Variants in PALB2 observed in about 807,000 individuals in gnomAD.
The protein encoded by PALB2 is mutant partner and localizer of BRCA2.
PALB2 carries 82 observed loss-of-function variants against 107.4 expected under a neutral mutation model. The observed-to-expected ratio is 0.76, with a 90% CI of 0.64 to 0.92. PALB2 has a LOEUF of 0.92. PALB2 is among the 40% of genes least tolerant of loss of function. PALB2 has a pLI of 0.00. For missense variants in PALB2, 1,374 were observed against 1,379.9 expected, an observed-to-expected ratio of 1.00 and a Z score of 0.07; for synonymous variants, 489 against 496.8, an observed-to-expected ratio of 0.98 and a Z score of 0.21.
rs1567218807 is a variant in PALB2, at chr16:23,630,363, C to G, written c.1791G>C (p.Met597Ile). Reference protein sequence around the residue: ...AFTAPFHRDGMLSLKQLLSFL... With the variant: ...AFTAPFHRDGILSLKQLLSFL... ...AAGACAGTAGTTGCTTTAAACTCAG[C>G]ATTCCATCCCTATGAAATGGAGCCG... Residue 597 changes from methionine (M) to isoleucine (I), a missense_variant, in exon 5 of 13, where the codon ATG becomes ATC. Met to Ile is a conservative substitution (Grantham distance 10, BLOSUM62 1). Coordinates refer to ENST00000261584, the MANE Select transcript of PALB2 (RefSeq NM_024675.4). The G allele has an allele frequency of 6.2e-7, 1 of 1,613,988 alleles. No homozygotes were observed. The highest frequency in any genetic ancestry group is 1.3e-5 in the African/African-American group (1 of 74,914).
rs1226634357 is a variant in PALB2, at chr16:23,614,000, T to C, written c.3201+4A>G. The C allele has an allele frequency of 6.2e-7, 1 of 1,607,366 alleles. No individual in the cohort carries two copies. On this transcript the variant is annotated splice_donor_region_variant and intron_variant, in intron 11 of 12. Coordinates refer to ENST00000261584, the MANE Select transcript of PALB2 (RefSeq NM_024675.4). ...CAAAGTGGTCCCAGCCAGTCATTAC[T>C]TACCATTTCAGAATAGGCTTTGTGA...
intron 10 of PALB2, among the ~76,000 whole-genome samples, chr16:23,615,760 G>A (rs1241131926): frequency 6.6e-6 from 1 of 152,038 alleles, no homozygotes; most frequent in African/African-American, 2.4e-5. Flanking sequence ...TGCCTCCCAG[G>A]TTCAAGCAAT....
chr16:23,625,193 C>G (rs1010780747), intron 7 of PALB2, among the ~76,000 whole-genome samples: 1 of 151,876 alleles, frequency 6.6e-6, no homozygotes, highest in Non-Finnish European at 1.5e-5. Context: ...ATTAGCTGGG[C>G]GTGGTGGTGG....
rs876659152 is a variant in PALB2 at position 23,635,200 on chromosome 16, T to G, written c.1346A>C (p.Lys449Thr). ...GFKNKNKDAS[K>T]NLNLSNEETD... is the part of the protein sequence containing the mutation. ...TTCCTCATTGGAAAGGTTTAAATTT[T>G]TACTTGCATCCTTATTTTTATTTTT... The change falls in exon 4 of 13, where the codon AAA becomes ACA. Residue 449 changes from lysine to threonine, a missense_variant. Physicochemically the swap from Lys to Thr is moderately conservative, Grantham distance 78. Coordinates refer to ENST00000261584, the MANE Select transcript of PALB2 (RefSeq NM_024675.4). 1 of 1,614,166 alleles carries G rather than the reference T, an allele frequency of 6.2e-7. No individual in the cohort carries two copies. Among genetic ancestry groups the G allele is most frequent in the African/African-American group, 1.3e-5 (1 of 75,064 alleles).
At position 23,635,357 on chromosome 16, in the gene PALB2, T is replaced by A. The variant is rs367578415; in HGVS notation, c.1189A>T (p.Thr397Ser). The change falls in exon 4 of 13, where the codon ACA becomes TCA. Residue 397 changes from threonine (T) to serine (S), a missense_variant. Physicochemically the swap from Thr to Ser is moderately conservative, Grantham distance 58 (BLOSUM62 1). Transcript: ENST00000261584. The part of the protein sequence containing the change: ...SPLSAEKHSC[T>S]VPEGLLFPAE... ...GGAAACAGAAGGCCTTCAGGCACTG[T>A]GCAAGAATGTTTTTCTGCAGAAAGA... 100 of 1,613,936 alleles carry A rather than the reference T, an allele frequency of 6.2e-5. No individual in the cohort carries two copies. The highest frequency in any genetic ancestry group is 8.3e-5 in the Non-Finnish European group (98 of 1,180,050).
chr16:23,606,462 A>G (rs963582238), intron 12 of PALB2, among the ~76,000 whole-genome samples: 1 of 152,222 alleles, frequency 6.6e-6, no homozygotes, highest in African/African-American at 2.4e-5. Context: ...ACATGCACTT[A>G]TCAAATAAAC....
chr16:23,623,226 CAG>C (rs1464629175), intron 8 of PALB2, 96 bp from the exon 9 acceptor site: 5 of 992,654 alleles, frequency 5.0e-6, no homozygotes, highest in Middle Eastern at 5.4e-4. Context: ...TTTTTTGAGA[CAG>C]AGTCTTGCTC....
intron 11 of PALB2, among the ~76,000 whole-genome samples, chr16:23,613,416 G>A (rs546488895): frequency 6.6e-6 from 1 of 152,242 alleles, no homozygotes; most frequent in African/African-American, 2.4e-5. Flanking sequence ...GGCTGAGGCG[G>A]GTGGATCACC....
At chr16:23,620,152 C>G (rs947762572) in intron 10 of PALB2, among the ~76,000 whole-genome samples, 1 of 152,106 alleles carries the variant, frequency 6.6e-6, no homozygotes, top group East Asian at 1.9e-4. Flanking sequence ...CTCCAAATGC[C>G]GAAACTGAAA....
At chr16:23,607,791 A>G (rs2142270244) in intron 12 of PALB2, 73 bp downstream of exon 12, 1 of 1,536,440 alleles carries the variant, frequency 6.5e-7, no homozygotes, top group Non-Finnish European at 9.0e-7. Flanking sequence ...TGACACAAAA[A>G]TATCTAGTTT....
At chr16:23,623,160 A>C (rs1416572587) in intron 8 of PALB2, 30 bp from the exon 9 acceptor site, 1 of 1,490,428 alleles carries the variant, frequency 6.7e-7, no homozygotes, top group East Asian at 2.4e-5. Context: ...AAATGGGGTG[A>C]TGTGAGGAGT....
At chr16:23,621,538 C>T (rs201306001) in intron 9 of PALB2, 60 bp from the exon 10 acceptor site, 94 of 1,039,298 alleles carry the variant, frequency 9.0e-5, no homozygotes, top group Non-Finnish European at 1.4e-4. Flanking sequence ...CTAGGTAGCC[C>T]TTCTCCGCAT....
In PALB2 at chr16:23,635,066, T is replaced by C. The variant is rs1555461258; in HGVS notation, c.1480A>G (p.Thr494Ala). ...LTKVSSPAGP[T>A]EDNDLSRKAV... ...TTCCTAGACAAGTCATTATCTTCAG[T>C]GGGCCCAGCGGGAGAGCTGACTTTA... The change falls in exon 4 of 13, where the codon ACT becomes GCT. Residue 494 changes from threonine (T) to alanine (A), a missense_variant. By Grantham distance (58) the Thr-to-Ala change is moderately conservative (BLOSUM62 0). Transcript: ENST00000261584. The C allele has an allele frequency of 6.2e-7, 1 of 1,614,166 alleles. No homozygotes were observed. The highest frequency in any genetic ancestry group is 8.5e-7 in the Non-Finnish European group (1 of 1,180,026).
chr16:23,614,064 T>C lies in PALB2; in HGVS notation c.3141A>G (p.Lys1047=), dbSNP rs2142299817. 2 of 1,613,360 alleles carry C rather than the reference T, an allele frequency of 1.2e-6. No individual in the cohort carries two copies. The highest frequency in any genetic ancestry group is 1.1e-5 in the South Asian group (1 of 91,030). The change falls in exon 11 of 13, where the codon AAA becomes AAG. Residue 1047 remains lysine (K), a synonymous_variant. Transcript: ENST00000261584. ...GGTAAGAATCATCAATGTGCATCTTTTTCAGGAGTTGACCAGTTTTTAAAT... is the reference window on the plus strand; with the variant it reads ...GGTAAGAATCATCAATGTGCATCTTCTTCAGGAGTTGACCAGTTTTTAAAT... ...IWNLKTGQLL[K]KMHIDDSYQA...
intron 10 of PALB2, among the ~76,000 whole-genome samples, chr16:23,618,258 G>A (rs1966717304): frequency 6.6e-6 from 1 of 152,028 alleles, no homozygotes; most frequent in Non-Finnish European, 1.5e-5. Flanking sequence ...ACCTCAAAAT[G>A]CAGTGAGTCA....
chr16:23,607,227 T>C (rs1163785869), intron 12 of PALB2: 1 of 152,138 alleles, frequency 6.6e-6, no homozygotes, highest in African/African-American at 2.4e-5. Context: ...TTAATTTAGG[T>C]TTAGGGAAAG....
intron 7 of PALB2, among the ~76,000 whole-genome samples, chr16:23,624,523 T>C (rs1448309120): frequency 1.3e-5 from 2 of 152,242 alleles, no homozygotes; most frequent in African/African-American, 4.8e-5. Flanking sequence ...AAGGAAATTT[T>C]TTTTTTTGAG....
chr16:23,604,864 A>G (rs552724615), intron 12 of PALB2, among the ~76,000 whole-genome samples: 1 of 151,974 alleles, frequency 6.6e-6, no homozygotes, highest in South Asian at 2.1e-4. Flanking sequence ...ACCTGAGGTA[A>G]GGAGTTCACG....
chr16:23,614,150 A>C, intron 10 of PALB2, 59 bp from the exon 11 acceptor site: 1 of 1,263,950 alleles, frequency 7.9e-7, no homozygotes, highest in South Asian at 1.2e-5. Context: ...GTTTTCAGAA[A>C]ATATTTTCTT....
Sources: allele counts gnomAD v4.1 joint callset (sites outside exome capture counted in the v4.1 genomes callset), GRCh38; gene constraint gnomAD v4.1.1; transcripts MANE v1.5; gene names NCBI Gene and HGNC (gene_info 2026-07-23, HGNC 2026-07-21).